Variants in VAX2 observed in about 807,000 individuals in gnomAD.
The protein encoded by VAX2 is ventral anterior homeobox 2.
Under a neutral mutation model 12.5 loss-of-function variants are expected in VAX2, and 8 were observed. The ratio of observed to expected loss-of-function variants is 0.64; its 90% confidence interval spans 0.37 to 1.15. The LOEUF is 1.15. VAX2 is among the 50% of genes most tolerant of loss of function. The pLI is 0.01. For synonymous variants in VAX2, 183 were observed against 187.6 expected (o/e 0.98, Z 0.20); for missense variants, 476 against 412.9 (o/e 1.15, Z -1.32).
chr2:70,905,187 T>C (rs1679024437), intron 1 of VAX2, among the ~76,000 whole-genome samples: 1 of 152,058 alleles, frequency 6.6e-6, no homozygotes, highest in Non-Finnish European at 1.5e-5. Flanking sequence ...TCTCAATATC[T>C]GAGTCTGTTA....
intron 1 of VAX2, among the ~76,000 whole-genome samples, chr2:70,920,618 C>T (rs1679435209): frequency 7.3e-6 from 1 of 136,928 alleles, no homozygotes; most frequent in Non-Finnish European, 1.6e-5. Context: ...ATGCATGACA[C>T]TCCTTCATGC....
chr2:70,915,037 G>C (rs1442927701), intron 1 of VAX2, among the ~76,000 whole-genome samples: 1 of 152,072 alleles, frequency 6.6e-6, no homozygotes, highest in African/African-American at 2.4e-5. Context: ...CTGGCCTCAA[G>C]TGATCTGCCC....
At chr2:70,913,668 T>C (rs1679244745) in intron 1 of VAX2, among the ~76,000 whole-genome samples, 1 of 150,598 alleles carries the variant, frequency 6.6e-6, no homozygotes, top group Non-Finnish European at 1.5e-5. Flanking sequence ...AGAGCGAGAC[T>C]CCGACTCAAA....
rs549382796 is a variant in VAX2 at position 70,921,784 on chromosome 2, G to A, written c.435+499G>A. Among the ~76,000 whole-genome samples, 8 of 152,088 alleles carry A rather than the reference G, an allele frequency of 5.3e-5. No homozygotes were observed. In the South Asian group the frequency reaches 1.7e-3, roughly 32 times the overall value. Reference sequence around the variant, plus strand: ...GCCTCAGTCTCTTGTTGGAAAGGAGGGGTCTGCACACCCCCTTCACCTGGG... The same window carrying A: ...GCCTCAGTCTCTTGTTGGAAAGGAGAGGTCTGCACACCCCCTTCACCTGGG... On this transcript the variant is annotated intron_variant, in intron 2 of 2. Coordinates refer to ENST00000234392, the MANE Select transcript of VAX2 (RefSeq NM_012476.3).
At chr2:70,912,351 C>A (rs1679204526) in intron 1 of VAX2, among the ~76,000 whole-genome samples, 1 of 152,040 alleles carries the variant, frequency 6.6e-6, no homozygotes, top group Non-Finnish European at 1.5e-5. Context: ...CAGGAAGGGC[C>A]TTGCACACTT....
rs923289216 is a variant in VAX2 at position 70,929,241 on chromosome 2, A to T, written c.436-3526A>T. Among the ~76,000 whole-genome samples, 9 of 152,342 alleles carry T rather than the reference A, an allele frequency of 5.9e-5. No individual in the cohort carries two copies. In the East Asian group the frequency reaches 1.7e-3, roughly 29 times the overall value. ...CCTCTTCAGGGAGGCTGTATGTGCC[A>T]TTCCATTAACAAAACAGTCACCCCC... On this transcript the variant is annotated intron_variant, in intron 2 of 2. Coordinates refer to ENST00000234392, the MANE Select transcript of VAX2 (RefSeq NM_012476.3).
chr2:70,900,665 G>A lies in VAX2; in HGVS notation c.44G>A (p.Arg15Gln), dbSNP rs557087460. The A allele has an allele frequency of 1.3e-4, 170 of 1,284,672 alleles. No homozygotes were observed. The African/African-American group carries it at 2.2e-3, about 17-fold the overall frequency. 79.6% of individuals were successfully genotyped at this position (1,284,672 alleles called of 1,614,324 possible). ...GAGCGCGACCGGGGCCCCGCGCGCC[G>A]GGCGGAGTCTGGTGGCGGCGGTGGG... ...GAERDRGPARRAESGGGGGRC... is the reference protein window; with the variant it reads ...GAERDRGPARQAESGGGGGRC... Residue 15 changes from arginine (R) to glutamine (Q), a missense_variant, in exon 1 of 3, where the codon CGG becomes CAG. Arg to Gln is a conservative substitution (Grantham distance 43, BLOSUM62 1). Transcript: ENST00000234392.
chr2:70,929,121 TG>T (rs1270037621), intron 2 of VAX2, among the ~76,000 whole-genome samples: 1 of 152,156 alleles, frequency 6.6e-6, no homozygotes. Context: ...AGGTGACAAA[TG>T]GGAAAGGGTT....
intron 2 of VAX2, among the ~76,000 whole-genome samples, chr2:70,929,309 G>GC (rs1174582709): frequency 1.3e-5 from 2 of 152,270 alleles, no homozygotes; most frequent in African/African-American, 4.8e-5. Context: ...CTAAAGCAGT[G>GC]CCCCCCAGAG....
At chr2:70,913,830 A>C (rs7584322) in intron 1 of VAX2, among the ~76,000 whole-genome samples, 92,235 of 152,038 alleles carry the variant, frequency 0.61, 28,962 homozygotes, top group African/African-American at 0.78. Context: ...ATATTTGACA[A>C]ATAAGGGCTT....
chr2:70,930,025 G>A (rs1553414105), intron 2 of VAX2, among the ~76,000 whole-genome samples: 1 of 152,132 alleles, frequency 6.6e-6, no homozygotes, highest in Non-Finnish European at 1.5e-5. Flanking sequence ...TAACTTTCTG[G>A]TCACTTTTGA....
In VAX2 at chr2:70,932,841, C is replaced by T; in HGVS notation, c.510C>T (p.Ser170=). ...DQSRDLEKRA[S]SSASEAFATS... is the part of the protein sequence containing the mutation. Reference sequence around the variant, plus strand: ...GCAGAGACCTGGAGAAGCGGGCGTCCTCCTCAGCCTCCGAGGCCTTTGCCA... The same window carrying T: ...GCAGAGACCTGGAGAAGCGGGCGTCTTCCTCAGCCTCCGAGGCCTTTGCCA... Residue 170 remains serine (S), a synonymous_variant, in exon 3 of 3, where the codon TCC becomes TCT. Transcript: ENST00000234392. The T allele has an allele frequency of 6.2e-7, 1 of 1,613,006 alleles. No individual in the cohort carries two copies. The highest frequency in any genetic ancestry group is 8.5e-7 in the Non-Finnish European group (1 of 1,179,660).
Position 70,933,358 on chromosome 2 carries a change from CCTTGGTCCCGCAG to C in VAX2, c.*159_*171del. 1 of 675,570 alleles carries C rather than the reference CCTTGGTCCCGCAG, an allele frequency of 1.5e-6. No homozygotes were observed. Among genetic ancestry groups the C allele is most frequent in the Non-Finnish European group, 2.2e-6 (1 of 451,174 alleles). The allele number at this position is 675,570 out of a possible 1,614,324, so 41.8% of individuals were successfully genotyped here. On this transcript the variant is annotated 3_prime_UTR_variant, in exon 3 of 3. Coordinates refer to ENST00000234392, the MANE Select transcript of VAX2 (RefSeq NM_012476.3). ...AGCTCAGAGACTCGTGACCAAATGG[CCTTGGTCCCGCAG>C]CTTGTGTGCGTGAGTGCAGTGTGAG...
At chr2:70,917,103 A>T (rs976163850) in intron 1 of VAX2, among the ~76,000 whole-genome samples, 6 of 146,358 alleles carry the variant, frequency 4.1e-5, no homozygotes, top group Non-Finnish European at 8.9e-5. Context: ...GTGAGCCGAG[A>T]TCGCGCCACT....
chr2:70,927,817 G>T, intron 2 of VAX2, among the ~76,000 whole-genome samples: 1 of 152,002 alleles, frequency 6.6e-6, no homozygotes, highest in East Asian at 1.9e-4. Context: ...GCGGAGGGGG[G>T]CGGGGCAGCC....
chr2:70,933,017 T>C lies in VAX2; in HGVS notation c.686T>C (p.Leu229Pro). The change falls in exon 3 of 3, where the codon CTC becomes CCC. Residue 229 changes from leucine (L) to proline (P), a missense_variant. Leu to Pro is a moderately conservative substitution (Grantham distance 98). Transcript: ENST00000234392. ...GACCCCAGGAACTCCTCCCCACGCCTCAACCCGCTGTCCTCGGCCTCAGCG... is the reference window on the plus strand; with the variant it reads ...GACCCCAGGAACTCCTCCCCACGCCCCAACCCGCTGTCCTCGGCCTCAGCG... ...LGDPRNSSPRLNPLSSASASP... is the reference protein window; with the variant it reads ...LGDPRNSSPRPNPLSSASASP... 1.3e-6 allele frequency: 2 copies of C among 1,598,408 alleles called. No homozygotes were observed. The highest frequency in any genetic ancestry group is 2.2e-5 in the East Asian group (1 of 44,494).
intron 1 of VAX2, among the ~76,000 whole-genome samples, chr2:70,913,046 A>T (rs1275002040): frequency 3.3e-5 from 5 of 152,232 alleles, no homozygotes; most frequent in African/African-American, 1.2e-4. Context: ...AGCAACTCAA[A>T]AAAAGAGGAC....
Position 70,900,816 on chromosome 2 carries a change from C to T in VAX2, c.195C>T (p.Asp65=). Residue 65 remains aspartate (D), a synonymous_variant, in exon 1 of 3, where the codon GAC becomes GAT. Coordinates refer to ENST00000234392, the MANE Select transcript of VAX2 (RefSeq NM_012476.3). ...CCAGGGAGAGTGGAGCCGACAGCGACGGGCAGCCCGGGCCCGGCGAGGCAG... is the reference window on the plus strand; with the variant it reads ...CCAGGGAGAGTGGAGCCGACAGCGATGGGCAGCCCGGGCCCGGCGAGGCAG... The part of the protein sequence containing the change: ...AGSRESGADS[D]GQPGPGEADH... The T allele has an allele frequency of 6.7e-7, 1 of 1,485,852 alleles. No individual in the cohort carries two copies. Among genetic ancestry groups the T allele is most frequent in the South Asian group, 1.3e-5 (1 of 77,566 alleles). 92.0% of individuals were successfully genotyped at this position (1,485,852 alleles called of 1,614,324 possible). A position where few individuals can be genotyped will look rare whatever the true frequency, so the allele number is the denominator to read the frequency against.
intron 1 of VAX2, among the ~76,000 whole-genome samples, chr2:70,920,233 A>G (rs1483384966): frequency 6.6e-6 from 1 of 152,188 alleles, no homozygotes; most frequent in Non-Finnish European, 1.5e-5. Flanking sequence ...GTAATATAAA[A>G]TGTTCTAATA....
Sources: gnomAD v4.1 joint callset for allele counts (sites outside exome capture counted in the v4.1 genomes callset) on GRCh38, gnomAD v4.1.1 for gene constraint, MANE v1.5 for transcripts, NCBI Gene and HGNC (gene_info 2026-07-23, HGNC 2026-07-21) for gene names.